ETFA: variants seen among roughly 807,000 people sequenced by gnomAD.
ETFA encodes electron transfer flavoprotein subunit alpha, mitochondrial.
ETFA carries 22 observed loss-of-function variants against 46.2 expected under a neutral mutation model. The ratio of observed to expected loss-of-function variants is 0.48; its 90% CI spans 0.34 to 0.68. The LOEUF is 0.68. ETFA is among the 30% of genes least tolerant of loss of function. The pLI is 0.01. For synonymous variants in ETFA, 131 were observed against 139.9 expected (o/e 0.94, Z 0.45); for missense variants, 345 against 401.1 (o/e 0.86, Z 1.19).
chr15:76,297,474 C>T (rs868667094), intron 1 of ETFA, among the ~76,000 whole-genome samples: 15 of 151,690 alleles, frequency 9.9e-5, no homozygotes, highest in African/African-American at 2.4e-4. Context: ...AATATATATC[C>T]GGCATCATAT....
At position 76,285,833 on chromosome 15, in the gene ETFA, C is replaced by T. The variant is rs145093607; in HGVS notation, c.563-95G>A. The T allele has an allele frequency of 3.6e-4, 306 of 841,252 alleles. 1 individual carries two copies. Among genetic ancestry groups the T allele is most frequent in the East Asian group, 1.8e-3 (72 of 39,180 alleles). 52.1% of individuals were successfully genotyped at this position (841,252 alleles called of 1,614,324 possible). A position where few individuals can be genotyped will look rare whatever the true frequency, so the allele number is the denominator to read the frequency against. ...AGAAACACACAAGTATATAATTCCA[C>T]GAAATTTAAGTTAATTACTGTGAAT... On this transcript the variant is annotated intron_variant, in intron 6 of 11. Coordinates refer to ENST00000557943, the MANE Select transcript of ETFA (RefSeq NM_000126.4).
At chr15:76,292,797 C>T in intron 2 of ETFA, 97 bp from the exon 3 acceptor site, 2 of 875,744 alleles carry the variant, frequency 2.3e-6, no homozygotes, top group South Asian at 2.7e-5. Flanking sequence ...ATCTTAATGG[C>T]CAACTGTAAA....
chr15:76,277,338 T>C (rs1303193883), intron 8 of ETFA, among the ~76,000 whole-genome samples: 1 of 152,152 alleles, frequency 6.6e-6, no homozygotes, highest in African/African-American at 2.4e-5. Context: ...AAGAACAGAA[T>C]GCTCTGGCAT....
At chr15:76,229,457 C>T (rs959991) in intron 10 of ETFA, among the ~76,000 whole-genome samples, 63,296 of 152,172 alleles carry the variant, frequency 0.42, 15,402 homozygotes, top group Middle Eastern at 0.56. Context: ...CTCCCACAAT[C>T]CAGCCCTGTT....
chr15:76,246,575 T>A (rs956083411), intron 9 of ETFA, among the ~76,000 whole-genome samples: 3 of 152,164 alleles, frequency 2.0e-5, no homozygotes, highest in Non-Finnish European at 4.4e-5. Context: ...CTCACACCTG[T>A]AATCCCAGCA....
intron 9 of ETFA, among the ~76,000 whole-genome samples, chr15:76,239,246 C>T (rs963416418): frequency 2.6e-5 from 4 of 152,088 alleles, no homozygotes; most frequent in African/African-American, 9.7e-5. Flanking sequence ...TTCTCCCTCC[C>T]CAGCTTTACT....
chr15:76,266,308 A>C (rs112798253), intron 9 of ETFA, among the ~76,000 whole-genome samples: 71 of 152,306 alleles, frequency 4.7e-4, no homozygotes, highest in African/African-American at 1.6e-3. Context: ...ATAATAACAA[A>C]CCAGTGCACA....
intron 10 of ETFA, 63 bp downstream of exon 10, chr15:76,231,270 C>A (rs28474739): frequency 2.0e-6 from 2 of 1,012,282 alleles, no homozygotes; most frequent in East Asian, 2.4e-5. Flanking sequence ...TGGAAACATA[C>A]AAGGTAAGCC....
rs1037615063 is a variant in ETFA, at chr15:76,225,934, G to A, written c.883-5C>T. ...TTTATTAATTGCCACAATTGTCTGT[G>A]AAATAAAAACAAAGAGTTTGACTTT... On this transcript the variant is annotated splice_polypyrimidine_tract_variant and splice_region_variant and intron_variant, in intron 10 of 11. Coordinates refer to ENST00000557943, the MANE Select transcript of ETFA (RefSeq NM_000126.4). The A allele has an allele frequency of 6.3e-7, 1 of 1,586,912 alleles. No homozygotes were observed.
intron 1 of ETFA, among the ~76,000 whole-genome samples, chr15:76,309,485 A>T (rs1332052613): frequency 1.3e-5 from 2 of 152,168 alleles, no homozygotes; most frequent in Non-Finnish European, 2.9e-5. Flanking sequence ...AAAAACAGCT[A>T]TTCTACTTAG....
At chr15:76,282,475 A>T (rs2039665365) in intron 8 of ETFA, among the ~76,000 whole-genome samples, 1 of 152,218 alleles carries the variant, frequency 6.6e-6, no homozygotes, top group Non-Finnish European at 1.5e-5. Flanking sequence ...GTAACTTATT[A>T]CTGTAGCCAA....
chr15:76,285,878 T>A (rs2039700650), intron 6 of ETFA, 140 bp from the exon 7 acceptor site: 1 of 668,938 alleles, frequency 1.5e-6, no homozygotes, highest in South Asian at 1.6e-5. Context: ...TCCTAATTAA[T>A]TCTCTCTGAT....
chr15:76,240,904 A>AC (rs949500059), intron 9 of ETFA, among the ~76,000 whole-genome samples: 1 of 151,486 alleles, frequency 6.6e-6, no homozygotes, highest in Non-Finnish European at 1.5e-5. Context: ...ACAGAATAAG[A>AC]CCCCACCTCT....
At position 76,233,114 on chromosome 15, in the gene ETFA, G is replaced by A. The variant is rs769434861; in HGVS notation, c.817-1716C>T. On this transcript the variant is annotated intron_variant, in intron 9 of 11. Coordinates refer to ENST00000557943, the MANE Select transcript of ETFA (RefSeq NM_000126.4). Reference sequence around the variant, plus strand: ...TAAGACTGTGTCTTAGGGTGGGGAGGAATGCTGCAGAAAGTATGGATGAGG... The same window carrying A: ...TAAGACTGTGTCTTAGGGTGGGGAGAAATGCTGCAGAAAGTATGGATGAGG... 3.9e-5 allele frequency among the ~76,000 whole-genome samples: 6 copies of A among 152,250 alleles called. No individual in the cohort carries two copies. In the Middle Eastern group the frequency reaches 0.01, roughly 259 times the overall value.
intron 9 of ETFA, among the ~76,000 whole-genome samples, chr15:76,243,826 A>C (rs1163818371): frequency 2.0e-5 from 3 of 151,952 alleles, no homozygotes; most frequent in African/African-American, 4.8e-5. Flanking sequence ...CAAACAAAAA[A>C]AAAACAAAGT....
chr15:76,291,058 A>C (rs937416116), intron 4 of ETFA, among the ~76,000 whole-genome samples: 1 of 152,156 alleles, frequency 6.6e-6, no homozygotes, highest in Admixed American at 6.5e-5. Context: ...GATACAAAAA[A>C]TTTGAAAATT....
intron 9 of ETFA, among the ~76,000 whole-genome samples, chr15:76,269,298 A>C (rs1052667744): frequency 1.3e-5 from 2 of 152,178 alleles, no homozygotes; most frequent in African/African-American, 4.8e-5. Context: ...CATAATATAA[A>C]AGAGTTTTGG....
intron 8 of ETFA, 74 bp downstream of exon 8, chr15:76,283,683 C>T (rs1389496257): frequency 3.0e-5 from 33 of 1,082,138 alleles, no homozygotes; most frequent in African/African-American, 4.7e-5. Context: ...AAGACTTACA[C>T]AAAAATGAAA....
intron 1 of ETFA, among the ~76,000 whole-genome samples, chr15:76,301,880 G>A (rs1446690309): frequency 1.3e-5 from 2 of 152,080 alleles, no homozygotes; most frequent in Admixed American, 6.5e-5. Context: ...TTAAATAGGG[G>A]GAAAGGATCT....
Sources: allele counts gnomAD v4.1 joint callset (sites outside exome capture counted in the v4.1 genomes callset), GRCh38; gene constraint gnomAD v4.1.1; transcripts MANE v1.5; gene names NCBI Gene and HGNC (gene_info 2026-07-23, HGNC 2026-07-21).